HPS3: variants seen among roughly 807,000 people sequenced by gnomAD.
HPS3 encodes BLOC-2 complex member HPS3.
Under a neutral mutation model 110.9 loss-of-function variants are expected in HPS3, and 79 were observed. That is an observed-to-expected ratio of 0.71 (90% CI 0.59 to 0.86). The LOEUF (loss-of-function observed/expected upper bound fraction) is 0.86. HPS3 is among the 40% of genes least tolerant of loss of function. The probability of loss-of-function intolerance (pLI) is 0.00; values close to 1 mark genes in which losing one functional copy is unlikely to be tolerated. For synonymous variants in HPS3, 428 were observed against 451.0 expected (o/e 0.95, Z 0.65); for missense variants, 1,197 against 1,206.2 (o/e 0.99, Z 0.11).
rs1349268546 is a variant in HPS3 at position 149,140,153 on chromosome 3, G to C, written c.367G>C (p.Asp123His). 1 of 1,614,112 alleles carries C rather than the reference G, an allele frequency of 6.2e-7. No homozygotes were observed. The highest frequency in any genetic ancestry group is 1.1e-5 in the South Asian group (1 of 91,064). Residue 123 changes from aspartate (D) to histidine (H), a missense_variant, in exon 2 of 17, where the codon GAC (aspartate) becomes CAC (histidine). Physicochemically the swap from Asp to His is moderately conservative, Grantham distance 81. Coordinates refer to ENST00000296051, the MANE Select transcript of HPS3 (RefSeq NM_032383.5). The part of the protein sequence containing the change: ...VEGPFSKAFR[D>H]QMYIIEMPLS... ...GGGACCATTCAGCAAAGCCTTCAGAGACCAGATGTACATTATTGAAATGCC... is the reference window on the plus strand; with the variant it reads ...GGGACCATTCAGCAAAGCCTTCAGACACCAGATGTACATTATTGAAATGCC...
rs114694221 is a variant in HPS3 at position 149,168,230 on chromosome 3, A to G, written c.2887+247A>G. 1,451 of 445,056 alleles carry G rather than the reference A, an allele frequency of 3.3e-3. 11 individuals carry two copies. The highest frequency in any genetic ancestry group is 0.026 in the African/African-American group (1,313 of 50,480). The allele number at this position is 445,056 out of a possible 1,614,324, so 27.6% of individuals were successfully genotyped here. ...ACACTTAACAAATTATCACAGTCATAGAAAATGACAGCATCAGTGTTTTAA... is the reference window on the plus strand; with the variant it reads ...ACACTTAACAAATTATCACAGTCATGGAAAATGACAGCATCAGTGTTTTAA... On this transcript the variant is annotated intron_variant, in intron 16 of 16. Transcript: ENST00000296051.
chr3:149,154,252 A>G (rs1723304615), intron 7 of HPS3: 1 of 152,666 alleles, frequency 6.6e-6, no homozygotes, highest in Non-Finnish European at 1.5e-5. Flanking sequence ...AGAGAATGCA[A>G]TCTAATTTCT....
chr3:149,160,381 G>A (rs1402822895), intron 11 of HPS3, 102 bp downstream of exon 11: 5 of 791,064 alleles, frequency 6.3e-6, no homozygotes, highest in Non-Finnish European at 1.1e-5. Context: ...TATATTCTTG[G>A]TTGTAATGGA....
chr3:149,164,418 G>T (rs1399317660), intron 14 of HPS3, among the ~76,000 whole-genome samples: 1 of 152,172 alleles, frequency 6.6e-6, no homozygotes, highest in Non-Finnish European at 1.5e-5. Context: ...TCAGAAATGA[G>T]GGGGATGATT....
At chr3:149,171,698 C>CTTTTTTT (rs1170000443) in intron 16 of HPS3, among the ~76,000 whole-genome samples, 14 of 118,260 alleles carry the variant, frequency 1.2e-4, no homozygotes, top group African/African-American at 2.6e-4. Flanking sequence ...GAACTGGCTT[C>CTTTTTTT]TTTTTTTTTT....
chr3:149,144,395 TA>T (rs1576671227), intron 4 of HPS3, among the ~76,000 whole-genome samples: 2 of 151,836 alleles, frequency 1.3e-5, no homozygotes, highest in South Asian at 4.2e-4. Flanking sequence ...AAAATAAAAA[TA>T]AAAAAAATTT....
In HPS3 at chr3:149,172,082, C is replaced by A. The variant is rs753447120; in HGVS notation, c.2888-13C>A. 19 of 1,611,292 alleles carry A rather than the reference C, an allele frequency of 1.2e-5. No homozygotes were observed. Among genetic ancestry groups the A allele is most frequent in the Non-Finnish European group, 1.6e-5 (19 of 1,178,088 alleles). On this transcript the variant is annotated splice_polypyrimidine_tract_variant and intron_variant, in intron 16 of 16. Coordinates refer to ENST00000296051, the MANE Select transcript of HPS3 (RefSeq NM_032383.5). ...GACTTTCAATTCTAATTCAGATATT[C>A]TTTTCTACACAGAAACATTGTCAAT... is the stretch of plus-strand genomic sequence containing the variant.
intron 1 of HPS3, among the ~76,000 whole-genome samples, chr3:149,136,096 A>G (rs1038445525): frequency 6.6e-6 from 1 of 152,050 alleles, no homozygotes; most frequent in East Asian, 1.9e-4. Context: ...TGATTTTTCA[A>G]TGTACTTAAT....
At position 149,129,794 on chromosome 3, in the gene HPS3, G is replaced by C; in HGVS notation, c.71G>C (p.Arg24Pro). 1 of 1,609,312 alleles carries C rather than the reference G, an allele frequency of 6.2e-7. No individual in the cohort carries two copies. The highest frequency in any genetic ancestry group is 1.1e-5 in the South Asian group (1 of 90,956). The change falls in exon 1 of 17, where the codon CGG becomes CCG. Residue 24 changes from arginine to proline, a missense_variant. Coordinates refer to ENST00000296051, the MANE Select transcript of HPS3 (RefSeq NM_032383.5). ...GTGCCCTGCAAGCTGGAGCCGGACC[G>C]GTTCTGTGGCGGGGGGCGTGACGCG... is the stretch of plus-strand genomic sequence containing the variant. The part of the protein sequence containing the change: ...QVVPCKLEPD[R>P]FCGGGRDALF...
At position 149,167,621 on chromosome 3, in the gene HPS3, T is replaced by C. The variant is rs1035227876; in HGVS notation, c.2797-272T>C. Among the ~76,000 whole-genome samples the C allele has an allele frequency of 3.3e-5, 5 of 152,330 alleles. No individual in the cohort carries two copies. In the South Asian group the frequency reaches 1.0e-3, roughly 32 times the overall value. The stretch of plus-strand genomic sequence containing the variant: ...TTCCTTCTTGCCACATAGGAGATGA[T>C]AACGGGATATGTCTGTTACTTCTTG... On this transcript the variant is annotated intron_variant, in intron 15 of 16. Transcript: ENST00000296051.
intron 4 of HPS3, among the ~76,000 whole-genome samples, chr3:149,142,516 C>T (rs995075395): frequency 4.6e-5 from 7 of 152,184 alleles, no homozygotes; most frequent in African/African-American, 1.7e-4. Flanking sequence ...TTTTTAAAAA[C>T]TCCCCAAGAG....
In HPS3 at chr3:149,162,177, A is replaced by T. The variant is rs1559922420; in HGVS notation, c.2136A>T (p.Glu712Asp). ...AGTTGGTATGTGGCTTCATTCTGGA[A>T]CCTCGGCTGTTGATTCAACAGAGAA... ...EMKLVCGFILEPRLLIQQRKG... is the reference protein window; with the variant it reads ...EMKLVCGFILDPRLLIQQRKG... The change falls in exon 12 of 17, where the codon GAA becomes GAT. Residue 712 changes from glutamate to aspartate, a missense_variant. Coordinates refer to ENST00000296051, the MANE Select transcript of HPS3 (RefSeq NM_032383.5). 6.2e-7 allele frequency: 1 copy of T among 1,613,874 alleles called. No homozygotes were observed. Among genetic ancestry groups the T allele is most frequent in the Non-Finnish European group, 8.5e-7 (1 of 1,179,880 alleles).
intron 6 of HPS3, among the ~76,000 whole-genome samples, chr3:149,152,867 A>G (rs923093729): frequency 1.3e-5 from 2 of 152,192 alleles, no homozygotes; most frequent in African/African-American, 2.4e-5. Context: ...ACTTGAATTA[A>G]TGGTCCTTTA....
chr3:149,137,237 T>G (rs866130741), intron 1 of HPS3, among the ~76,000 whole-genome samples: 5 of 152,162 alleles, frequency 3.3e-5, no homozygotes, highest in Admixed American at 3.3e-4. Context: ...TCAAAATCAC[T>G]GATAATTAGG....
chr3:149,130,440 A>T (rs1721691534), intron 1 of HPS3: 1 of 161,680 alleles, frequency 6.2e-6, no homozygotes, highest in East Asian at 1.8e-4. Context: ...TTATGTGTTG[A>T]TTTTTAAATG....
chr3:149,145,038 TTATTTATTATTCTTTTTATTA>T (rs1722705824), intron 4 of HPS3, among the ~76,000 whole-genome samples: 3 of 152,152 alleles, frequency 2.0e-5, no homozygotes, highest in Non-Finnish European at 4.4e-5. Context: ...CTTGCTCAGA[TTATTTATTATTCTTTTTATTA>T]TTTTGAAACC....
At chr3:149,131,241 T>G (rs1056096858) in intron 1 of HPS3, among the ~76,000 whole-genome samples, 4 of 152,314 alleles carry the variant, frequency 2.6e-5, no homozygotes, top group Non-Finnish European at 4.4e-5. Context: ...ACTGCTTATT[T>G]TGTCAAGTAA....
chr3:149,146,601 G>A (rs1417106445), intron 5 of HPS3, among the ~76,000 whole-genome samples: 3 of 152,196 alleles, frequency 2.0e-5, no homozygotes, highest in African/African-American at 7.2e-5. Flanking sequence ...ACAATCTCTA[G>A]CAGGTGCTGG....
chr3:149,152,340 T>C (rs571210976), intron 6 of HPS3, among the ~76,000 whole-genome samples: 1 of 152,264 alleles, frequency 6.6e-6, no homozygotes, highest in South Asian at 2.1e-4. Context: ...GTAGGATCAA[T>C]GTACCTTTGG....
Sources: allele counts gnomAD v4.1 joint callset (sites outside exome capture counted in the v4.1 genomes callset), GRCh38; gene constraint gnomAD v4.1.1; transcripts MANE v1.5; gene names NCBI Gene and HGNC (gene_info 2026-07-23, HGNC 2026-07-21).